The following PLCB4 variants were observed in gnomAD, a reference collection of about 807,000 sequenced individuals.
The protein encoded by PLCB4 is phospholipase C beta 4.
A neutral mutation model predicts 178.8 loss-of-function variants in PLCB4; 77 were observed. The observed-to-expected ratio is 0.43, with a 90% CI of 0.36 to 0.52. PLCB4 has a LOEUF of 0.52. Ranked by LOEUF, PLCB4 falls within the 20% of genes least tolerant of loss-of-function variation. The pLI is 0.00. For synonymous variants in PLCB4, 496 were observed against 490.8 expected, an observed-to-expected ratio of 1.01 and a Z score of -0.14; for missense variants, 1,024 against 1,453.4, an observed-to-expected ratio of 0.70 and a Z score of 4.80.
chr20:9,214,100 A>G (rs970555401), intron 2 of PLCB4, among the ~76,000 whole-genome samples: 4 of 152,178 alleles, frequency 2.6e-5, no homozygotes, highest in South Asian at 2.1e-4. Context: ...TTGAAGGACA[A>G]AAGTTTTTAA....
At chr20:9,440,100 C>T (rs2042019482) in intron 30 of PLCB4, among the ~76,000 whole-genome samples, 1 of 152,190 alleles carries the variant, frequency 6.6e-6, no homozygotes, top group Non-Finnish European at 1.5e-5. Flanking sequence ...GGCTTGTTCA[C>T]ATGGTAGTTG....
intron 30 of PLCB4, among the ~76,000 whole-genome samples, chr20:9,440,292 T>C (rs907821037): frequency 3.0e-4 from 46 of 152,344 alleles, no homozygotes; most frequent in African/African-American, 1.1e-3. Context: ...TAGTCTACAG[T>C]TGGGCAAAAT....
intron 3 of PLCB4, among the ~76,000 whole-genome samples, chr20:9,292,996 T>C (rs1002948706): frequency 1.4e-4 from 21 of 151,976 alleles, no homozygotes; most frequent in African/African-American, 5.1e-4. Flanking sequence ...GGAGAATCGC[T>C]TGAACCCAGG....
intron 2 of PLCB4, among the ~76,000 whole-genome samples, chr20:9,176,312 G>A (rs973146867): frequency 2.6e-5 from 4 of 152,106 alleles, no homozygotes; most frequent in African/African-American, 9.7e-5. Flanking sequence ...GAACATTTGT[G>A]TACAAATATT....
intron 4 of PLCB4, among the ~76,000 whole-genome samples, chr20:9,330,543 C>T (rs190163015): frequency 2.0e-5 from 3 of 152,298 alleles, no homozygotes; most frequent in African/African-American, 4.8e-5. Context: ...ATCAGAGAAG[C>T]TGGCTTGAAT....
At chr20:9,197,107 G>T (rs981930834) in intron 2 of PLCB4, among the ~76,000 whole-genome samples, 4 of 152,172 alleles carry the variant, frequency 2.6e-5, no homozygotes, top group African/African-American at 4.8e-5. Flanking sequence ...ATGATTAGAG[G>T]AGAGTTAAAT....
intron 2 of PLCB4, among the ~76,000 whole-genome samples, chr20:9,120,668 G>A (rs899879253): frequency 3.3e-5 from 5 of 152,070 alleles, no homozygotes; most frequent in Non-Finnish European, 7.3e-5. Flanking sequence ...CTTGACCCAA[G>A]CTCACCTCCA....
In PLCB4 at chr20:9,133,353, C is replaced by T. The variant is rs570969918; in HGVS notation, c.-79+37011C>T. Among the ~76,000 whole-genome samples the T allele has an allele frequency of 1.4e-4, 22 of 152,204 alleles. No individual in the cohort carries two copies. The South Asian group carries it at 2.5e-3, about 17-fold the overall frequency. On this transcript the variant is annotated intron_variant, in intron 2 of 39. Transcript: ENST00000378473. ...CATGATCTTGGCTCACTGCAGCCCC[C>T]GCCTCCTGGATTCAAGCAATTCTTT... is the stretch of plus-strand genomic sequence containing the variant.
chr20:9,292,267 A>G (rs11905700), intron 3 of PLCB4, among the ~76,000 whole-genome samples: 5,210 of 152,304 alleles, frequency 0.034, 303 homozygotes, highest in African/African-American at 0.12. Context: ...TCAGGCTTCT[A>G]AAAAGAGATT....
chr20:9,279,572 C>A (rs2147678795), intron 3 of PLCB4, among the ~76,000 whole-genome samples: 1 of 152,010 alleles, frequency 6.6e-6, no homozygotes, highest in Middle Eastern at 3.4e-3. Context: ...AAATTCAGCT[C>A]AAATTTGAGA....
Position 9,479,000 on chromosome 20 carries a change from T to C in PLCB4, c.3612T>C (p.Asn1204=), listed in dbSNP as rs1283895581. 8 of 1,612,128 alleles carry C rather than the reference T, an allele frequency of 5.0e-6. No homozygotes were observed. Among genetic ancestry groups the C allele is most frequent in the East Asian group, 2.2e-5 (1 of 44,862 alleles). ...QTSNSSMKLQ[N]AN Reference sequence around the variant, plus strand: ...GCAACAGTAGTATGAAACTCCAAAATGCAAACTGAAGCAGCAAACCCACAA... The same window carrying C: ...GCAACAGTAGTATGAAACTCCAAAACGCAAACTGAAGCAGCAAACCCACAA... Residue 1204 remains asparagine (N), a synonymous_variant, in exon 40 of 40, where the codon AAT becomes AAC. Coordinates refer to ENST00000378473, the MANE Select transcript of PLCB4 (RefSeq NM_001377142.1).
chr20:9,343,479 T>A (rs2033461838), intron 7 of PLCB4, among the ~76,000 whole-genome samples: 1 of 152,170 alleles, frequency 6.6e-6, no homozygotes, highest in Non-Finnish European at 1.5e-5. Flanking sequence ...CCTGAGTTTC[T>A]CAGGGTTGAA....
intron 7 of PLCB4, among the ~76,000 whole-genome samples, chr20:9,353,364 G>T (rs767655195): frequency 1.3e-5 from 2 of 152,208 alleles, no homozygotes; most frequent in Non-Finnish European, 2.9e-5. Flanking sequence ...CCATGGGCAT[G>T]TGGGCGTTTC....
chr20:9,145,181 G>T (rs528636233), intron 2 of PLCB4, among the ~76,000 whole-genome samples: 2 of 152,128 alleles, frequency 1.3e-5, no homozygotes, highest in Non-Finnish European at 2.9e-5. Context: ...GTGATGAGAA[G>T]CAGGAAATCT....
chr20:9,091,639 T>C (rs1281629572), intron 1 of PLCB4, among the ~76,000 whole-genome samples: 1 of 150,568 alleles, frequency 6.6e-6, no homozygotes, highest in African/African-American at 2.4e-5. Flanking sequence ...GACTAGTGCC[T>C]AACTGGGGAG....
chr20:9,455,276 C>T (rs1021538659), intron 33 of PLCB4, among the ~76,000 whole-genome samples: 1 of 152,074 alleles, frequency 6.6e-6, no homozygotes, highest in Non-Finnish European at 1.5e-5. Flanking sequence ...TTTTGTGGAT[C>T]GGTGTATTTA....
chr20:9,421,444 T>A lies in PLCB4; in HGVS notation c.2302T>A (p.Ser768Thr), dbSNP rs200707813. The stretch of plus-strand genomic sequence containing the variant: ...ACTCAATCCAGTTTACAATGAAGAG[T>A]CATTTGTATTTCGGAAGGTAGGACA... The part of the protein sequence containing the change: ...NGLNPVYNEE[S>T]FVFRKVILPD... The change falls in exon 27 of 40, where the codon TCA becomes ACA. Residue 768 changes from serine to threonine, a missense_variant. By Grantham distance (58) the Ser-to-Thr change is moderately conservative (BLOSUM62 1). Coordinates refer to ENST00000378473, the MANE Select transcript of PLCB4 (RefSeq NM_001377142.1). 6.2e-7 allele frequency: 1 copy of A among 1,612,662 alleles called. No individual in the cohort carries two copies. Among genetic ancestry groups the A allele is most frequent in the African/African-American group, 1.3e-5 (1 of 74,896 alleles).
chr20:9,353,344 C>T (rs1217596741), intron 7 of PLCB4, among the ~76,000 whole-genome samples: 1 of 152,170 alleles, frequency 6.6e-6, no homozygotes. Flanking sequence ...TGGTGAATTG[C>T]CCTCTTGTCC....
intron 2 of PLCB4, among the ~76,000 whole-genome samples, chr20:9,145,680 C>G (rs945608235): frequency 2.0e-5 from 3 of 152,144 alleles, no homozygotes; most frequent in Non-Finnish European, 4.4e-5. Flanking sequence ...ATTTATCTTT[C>G]CATTCACGCA....
Sources: gnomAD v4.1 joint callset for allele counts (sites outside exome capture counted in the v4.1 genomes callset) on GRCh38, gnomAD v4.1.1 for gene constraint, MANE v1.5 for transcripts, NCBI Gene and HGNC (gene_info 2026-07-23, HGNC 2026-07-21) for gene names.